Variants in ZNF3 observed in about 807,000 individuals in gnomAD.
ZNF3 encodes C2-H2 type zinc finger protein.
ZNF3 carries 16 observed loss-of-function variants against 36.9 expected under a neutral mutation model. That is an observed-to-expected ratio of 0.43 (90% CI 0.29 to 0.66). The LOEUF (loss-of-function observed/expected upper bound fraction) is 0.66. Ranked by LOEUF, ZNF3 falls within the 30% of genes least tolerant of loss-of-function variation. The pLI is 0.13. For synonymous variants in ZNF3, 201 were observed against 201.9 expected (o/e 1.00, Z 0.04); for missense variants, 462 against 543.1 (o/e 0.85, Z 1.48).
At chr7:100,069,193 A>G (rs895534774), downstream of ZNF3, among the ~76,000 whole-genome samples, 3 of 151,902 alleles carry the variant, frequency 2.0e-5, no homozygotes, top group African/African-American at 7.3e-5. Context: ...GCTGGTCTGA[A>G]GAGATTCTAC....
At chr7:100,068,745 C>A (rs1306250486), downstream of ZNF3, among the ~76,000 whole-genome samples, 1 of 151,996 alleles carries the variant, frequency 6.6e-6, no homozygotes, top group African/African-American at 2.4e-5. Flanking sequence ...GCAGGCTCAA[C>A]TTCCTAGGCT....
At chr7:100,065,949 C>A (rs73395934), downstream of ZNF3, among the ~76,000 whole-genome samples, 1 of 147,702 alleles carries the variant, frequency 6.8e-6, no homozygotes, top group Non-Finnish European at 1.5e-5. Context: ...CCTCAAAAGG[C>A]CTGGGCATTC....
At position 100,070,817 on chromosome 7, in the gene ZNF3, T is replaced by C; in HGVS notation, c.*326A>G. The C allele has an allele frequency of 9.1e-7, 1 of 1,098,640 alleles. No individual in the cohort carries two copies. The highest frequency in any genetic ancestry group is 1.1e-6 in the Non-Finnish European group (1 of 901,150). 68.1% of individuals were successfully genotyped at this position (1,098,640 alleles called of 1,614,324 possible). On this transcript the variant is annotated 3_prime_UTR_variant, in exon 6 of 6. Transcript: ENST00000299667. ...CGCGGACTCCAACTAAAGGAATCCA[T>C]CGAATTCTGTCCCGACTGTGCTTCC...
Position 100,075,539 on chromosome 7 carries a change from CACCTGGG to C in ZNF3, c.140_144+2del. 6 of 1,614,102 alleles carry C rather than the reference CACCTGGG, an allele frequency of 3.7e-6. No homozygotes were observed. Among genetic ancestry groups the C allele is most frequent in the Non-Finnish European group, 5.1e-6 (6 of 1,179,982 alleles). On this transcript the variant is annotated splice_donor_variant and coding_sequence_variant, in exon 4 of 6. Transcript: ENST00000299667. LOFTEE classifies it high-confidence loss of function. ...GAAAAGGATAAACGGAACCACAGCT[CACCTGGG>C]ACTTGGCCTTTAGGAGCGCAGCCGC...
intron 5 of ZNF3, among the ~76,000 whole-genome samples, chr7:100,073,922 G>A (rs1026202893): frequency 2.0e-5 from 3 of 151,934 alleles, no homozygotes; most frequent in South Asian, 2.1e-4. Context: ...TTGGGAGGCC[G>A]AGGCAGGTGG....
downstream of ZNF3, chr7:100,069,920 C>G: frequency 1.0e-6 from 1 of 985,008 alleles, no homozygotes; most frequent in Non-Finnish European, 1.2e-6. Context: ...GCCAACATGT[C>G]TTGTTTTAAC....
Position 100,081,309 on chromosome 7 carries a change from G to A in ZNF3, c.-198+326C>T, listed in dbSNP as rs559944726. On this transcript the variant is annotated intron_variant, in intron 1 of 5. Coordinates refer to ENST00000299667, the MANE Select transcript of ZNF3 (RefSeq NM_032924.5). This position sits in a 1 kb window ranked among gnomAD's most constrained non-coding sequence, Gnocchi z 4.3. ...AACGTCTGGGAGAAATACCAAGTTA[G>A]GGTCGCTGTCATTAGCTGCTTTCAA... Among the ~76,000 whole-genome samples, 39 of 152,352 alleles carry A rather than the reference G, an allele frequency of 2.6e-4. No individual in the cohort carries two copies. The East Asian group carries it at 6.7e-3, about 26-fold the overall frequency.
At chr7:100,074,920 T>C (rs1014957637) in intron 5 of ZNF3, among the ~76,000 whole-genome samples, 1 of 151,966 alleles carries the variant, frequency 6.6e-6, no homozygotes, top group African/African-American at 2.4e-5. Flanking sequence ...GGTGTGGTGG[T>C]GCGTGCCTGT....
chr7:100,071,356 C>T lies in ZNF3; in HGVS notation c.1128G>A (p.Lys376=). The T allele has an allele frequency of 5.0e-6, 8 of 1,613,416 alleles. No individual in the cohort carries two copies. Among genetic ancestry groups the T allele is most frequent in the Non-Finnish European group, 6.8e-6 (8 of 1,179,844 alleles). The change falls in exon 6 of 6, where the codon AAG becomes AAA. Residue 376 remains lysine (K), a synonymous_variant. Coordinates refer to ENST00000299667, the MANE Select transcript of ZNF3 (RefSeq NM_032924.5). ...GAATAAGGCCTGAACTGTAGGTAAA[C>T]TTTCCTCCACATTCCATACATTCGT... is the stretch of plus-strand genomic sequence containing the variant. ...KPYECMECGG[K]FTYSSGLIQH... is the part of the protein sequence containing the mutation.
chr7:100,069,152 T>C (rs903218598), downstream of ZNF3, among the ~76,000 whole-genome samples: 44 of 152,008 alleles, frequency 2.9e-4, no homozygotes, highest in African/African-American at 9.9e-4. Flanking sequence ...TTAATTTTGT[T>C]GTAGAGATAG....
chr7:100,077,359 G>A lies in ZNF3; in HGVS notation c.-2C>T. 4 of 1,613,936 alleles carry A rather than the reference G, an allele frequency of 2.5e-6. No homozygotes were observed. The highest frequency in any genetic ancestry group is 3.4e-6 in the Non-Finnish European group (4 of 1,179,990). On this transcript the variant is annotated 5_prime_UTR_variant, in exon 3 of 6. Transcript: ENST00000299667. ...TACGAGATCAGCCTGAGTTTCCATGGAAGGGCAAGGTGCTCTCTGGTCTCC... is the reference window on the plus strand; with the variant it reads ...TACGAGATCAGCCTGAGTTTCCATGAAAGGGCAAGGTGCTCTCTGGTCTCC...
At chr7:100,069,551 C>T (rs1420967505), downstream of ZNF3, among the ~76,000 whole-genome samples, 1 of 107,932 alleles carries the variant, frequency 9.3e-6, no homozygotes, top group Admixed American at 9.1e-5. Flanking sequence ...GACTCTGTCT[C>T]AAAAAAAAAA....
chr7:100,075,129 C>T lies in ZNF3; in HGVS notation c.271+6G>A, dbSNP rs751225624. On this transcript the variant is annotated splice_donor_region_variant and intron_variant, in intron 5 of 5. Coordinates refer to ENST00000299667, the MANE Select transcript of ZNF3 (RefSeq NM_032924.5). ...CGAGTTTTGTTGACAAGGCATAACT[C>T]CTTACCCAGTGAGAACACATTCCCG... 4.4e-6 allele frequency: 7 copies of T among 1,602,728 alleles called. No homozygotes were observed. Among genetic ancestry groups the T allele is most frequent in the Non-Finnish European group, 6.0e-6 (7 of 1,172,332 alleles).
At chr7:100,064,963 G>T (rs939376638) in intron 5 of ZNF3, 3 of 1,602,610 alleles carry the variant, frequency 1.9e-6, no homozygotes, top group Non-Finnish European at 2.6e-6. Flanking sequence ...ATATATTCAA[G>T]AATTTTAATT....
downstream of ZNF3, among the ~76,000 whole-genome samples, chr7:100,068,995 AAT>A (rs1792789480): frequency 4.1e-5 from 6 of 146,764 alleles, no homozygotes; most frequent in African/African-American, 1.6e-4. Flanking sequence ...ATATATATAT[AAT>A]TTTTTTTTTT....
chr7:100,068,339 C>T (rs933665974), downstream of ZNF3, among the ~76,000 whole-genome samples: 3 of 152,032 alleles, frequency 2.0e-5, no homozygotes, highest in Non-Finnish European at 4.4e-5. Flanking sequence ...CTTGGCCTCC[C>T]AAAGTGCTGG....
chr7:100,078,624 G>C (rs1794513301), intron 2 of ZNF3: 1 of 152,266 alleles, frequency 6.6e-6, no homozygotes, highest in South Asian at 2.1e-4. Flanking sequence ...GGAGGCAGAG[G>C]TGGCAGTGAC....
chr7:100,075,823 C>A (rs1364239609), intron 3 of ZNF3, among the ~76,000 whole-genome samples, 193 bp from the exon 4 acceptor site: 1 of 152,144 alleles, frequency 6.6e-6, no homozygotes, highest in Non-Finnish European at 1.5e-5. Context: ...GCGAGTCCAT[C>A]CTGCCTGAGC....
downstream of ZNF3, among the ~76,000 whole-genome samples, chr7:100,066,128 A>T (rs1047111788): frequency 2.0e-5 from 3 of 152,002 alleles, no homozygotes; most frequent in African/African-American, 7.3e-5. Flanking sequence ...CAGCAGCAGG[A>T]TTGCAATTTC....
Sources: gnomAD v4.1 joint callset for allele counts (sites outside exome capture counted in the v4.1 genomes callset) on GRCh38, gnomAD v4.1.1 for gene constraint, Gnocchi (gnomAD v3.1) non-coding constraint, MANE v1.5 for transcripts, NCBI Gene and HGNC (gene_info 2026-07-23, HGNC 2026-07-21) for gene names.